The following CCDC159 variants were observed in gnomAD, a reference collection of about 807,000 sequenced individuals.
CCDC159 encodes the protein coiled-coil domain containing 159.
In CCDC159, 40 loss-of-function variants were observed where a neutral mutation model predicts 50.9. The observed-to-expected ratio is 0.79, with a 90% confidence interval of 0.61 to 1.02. The LOEUF is 1.02. Ranked by LOEUF, CCDC159 falls within the 50% of genes least tolerant of loss-of-function variation. The pLI is 0.00. For missense variants in CCDC159, 356 were observed against 371.5 expected, an observed-to-expected ratio of 0.96 and a Z score of 0.34; for synonymous variants, 146 against 138.9, an observed-to-expected ratio of 1.05 and a Z score of -0.36.
At chr19:11,354,125 C>T (rs990481302) in intron 9 of CCDC159, among the ~76,000 whole-genome samples, 1 of 152,154 alleles carries the variant, frequency 6.6e-6, no homozygotes, top group African/African-American at 2.4e-5. Flanking sequence ...TGCCTGTAAT[C>T]CTAATATTTT....
intron 2 of CCDC159, 115 bp downstream of exon 2, chr19:11,349,802 C>A: frequency 8.4e-7 from 1 of 1,196,304 alleles, no homozygotes; most frequent in Non-Finnish European, 1.2e-6. Flanking sequence ...CACTCCTGCC[C>A]AAGGCTGAGT....
intron 7 of CCDC159, chr19:11,352,432 C>A (rs551793392): frequency 2.7e-6 from 1 of 366,516 alleles, no homozygotes; most frequent in South Asian, 2.6e-5. Context: ...ATGATGAAAC[C>A]CCGTCTATAC....
Position 11,352,044 on chromosome 19 carries a change from C to T in CCDC159, c.491-13C>T, listed in dbSNP as rs765670268. ...CTTCAGCCTTTGTCCGCCTGAGCCC[C>T]CTCCCTCCACAGAAGCGCAGGAGGA... On this transcript the variant is annotated splice_polypyrimidine_tract_variant and intron_variant, in intron 6 of 10. Transcript: ENST00000458408. The T allele has an allele frequency of 6.2e-7, 1 of 1,613,462 alleles. No individual in the cohort carries two copies. Among genetic ancestry groups the T allele is most frequent in the Non-Finnish European group, 8.5e-7 (1 of 1,179,584 alleles).
chr19:11,350,821 C>A lies in CCDC159; in HGVS notation c.240C>A (p.Pro80=). The A allele has an allele frequency of 6.5e-7, 1 of 1,548,672 alleles. No individual in the cohort carries two copies. Among genetic ancestry groups the A allele is most frequent in the Non-Finnish European group, 8.7e-7 (1 of 1,146,690 alleles). ...KIQQLEEVLS[P]TGRQGEKEEH... is the part of the protein sequence containing the mutation. ...CACTCTCTGCAGAGGTGCTGAGCCCCACAGGCCGCCAGGGAGAGAAGGAGG... is the reference window on the plus strand; with the variant it reads ...CACTCTCTGCAGAGGTGCTGAGCCCAACAGGCCGCCAGGGAGAGAAGGAGG... The change falls in exon 5 of 11, where the codon CCC becomes CCA. Residue 80 remains proline, a synonymous_variant. Coordinates refer to ENST00000458408, the MANE Select transcript of CCDC159 (RefSeq NM_001080503.3).
At chr19:11,347,373 C>G (rs577800883) in intron 1 of CCDC159, among the ~76,000 whole-genome samples, 6 of 152,108 alleles carry the variant, frequency 3.9e-5, no homozygotes, top group Non-Finnish European at 8.8e-5. Context: ...TCTCGTTGCC[C>G]GGGCTGGAGC....
At chr19:11,349,407 G>A (rs956351692) in intron 1 of CCDC159, 1 of 571,330 alleles carries the variant, frequency 1.8e-6, no homozygotes, top group African/African-American at 1.9e-5. Flanking sequence ...AAAGAGTGTG[G>A]TTGTGTGTCT....
rs746071567 is a variant in CCDC159 at position 11,348,765 on chromosome 19, CG to C, written c.22-887del. On this transcript the variant is annotated intron_variant, in intron 1 of 10. Transcript: ENST00000458408. Reference sequence around the variant, plus strand: ...CTACTCACAGCGACCCTCTTTTGGCCGGCCTACCCCGGGACCCTGACTACTC... The same window carrying C: ...CTACTCACAGCGACCCTCTTTTGGCCGCCTACCCCGGGACCCTGACTACTC... 1.7e-5 allele frequency: 9 copies of C among 517,124 alleles called. No homozygotes were observed. The East Asian group carries it at 2.7e-4, about 16-fold the overall frequency. The allele number at this position is 517,124 out of a possible 1,614,324, so 32.0% of individuals were successfully genotyped here.
At chr19:11,352,890 C>T (rs1967659734) in intron 7 of CCDC159, among the ~76,000 whole-genome samples, 1 of 151,892 alleles carries the variant, frequency 6.6e-6, no homozygotes, top group South Asian at 2.1e-4. Flanking sequence ...CTGATAGTAC[C>T]ATTGCACTCT....
In CCDC159 at chr19:11,350,871, GC is replaced by G; in HGVS notation, c.292del (p.Arg98GlyfsTer8). On this transcript the variant is annotated frameshift_variant, in exon 5 of 11. Coordinates refer to ENST00000458408, the MANE Select transcript of CCDC159 (RefSeq NM_001080503.3). LOFTEE classifies it high-confidence loss of function. ...GAGCACAAGTGGGGCATGGAGCAGG[GC>G]CGGCAGGAGCTGTATGGGGCCCTGA... ...KEEHKWGMEQGRQELYGALTQ... is the reference protein window; with the variant it reads ...KEEHKWGMEQXRQELYGALTQ... 1 of 1,551,766 alleles carries G rather than the reference GC, an allele frequency of 6.4e-7. No homozygotes were observed. The highest frequency in any genetic ancestry group is 8.7e-7 in the Non-Finnish European group (1 of 1,147,708).
At chr19:11,351,414 GC>G (rs967025107) in intron 5 of CCDC159, 1 of 183,046 alleles carries the variant, frequency 5.5e-6, no homozygotes, top group African/African-American at 2.4e-5. Flanking sequence ...TCCAGCCTGG[GC>G]GCCTGGGCGC....
chr19:11,350,260 T>C, intron 4 of CCDC159, 61 bp downstream of exon 4: 1 of 1,457,196 alleles, frequency 6.9e-7, no homozygotes, highest in East Asian at 2.4e-5. Context: ...ACGCCTGTAA[T>C]CCCAGCATTT....
At chr19:11,348,900 C>A in intron 1 of CCDC159, 1 of 1,143,470 alleles carries the variant, frequency 8.7e-7, no homozygotes, top group Non-Finnish European at 1.2e-6. Context: ...GGGCTGGGGA[C>A]ACTGGGAGGG....
intron 4 of CCDC159, among the ~76,000 whole-genome samples, chr19:11,350,560 G>A (rs1470802547): frequency 6.6e-6 from 1 of 152,188 alleles, no homozygotes; most frequent in Non-Finnish European, 1.5e-5. Context: ...GGCTGAGAAA[G>A]GAGAATTGCT....
intron 5 of CCDC159, 34 bp from the exon 6 acceptor site, chr19:11,351,872 G>A (rs1054489006): frequency 1.3e-6 from 2 of 1,559,228 alleles, no homozygotes; most frequent in Admixed American, 1.9e-5. Flanking sequence ...GGGCCAGGCA[G>A]GGAGTGCAGG....
rs767753487 is a variant in CCDC159, at chr19:11,354,676, G to A, written c.869G>A (p.Ser290Asn). Residue 290 changes from serine to asparagine, a missense_variant, in exon 10 of 11, where the codon AGC (serine) becomes AAC (asparagine). Ser to Asn is a conservative substitution (Grantham distance 46). Transcript: ENST00000458408. ...CTCTCCCAGCCACCTTTCAGCAAGAGCGGCCGCTCCTTCCCACCCGGTGCA... is the reference window on the plus strand; with the variant it reads ...CTCTCCCAGCCACCTTTCAGCAAGAACGGCCGCTCCTTCCCACCCGGTGCA... ...QDLSQPPFSK[S>N]GRSFPPA 7 of 1,606,494 alleles carry A rather than the reference G, an allele frequency of 4.4e-6. No individual in the cohort carries two copies. In the African/African-American group the frequency reaches 5.4e-5, roughly 12 times the overall value.
rs778182058 is a variant in CCDC159, at chr19:11,353,847, G to C, written c.745G>C (p.Ala249Pro). The C allele has an allele frequency of 6.3e-7, 1 of 1,586,652 alleles. No homozygotes were observed. The highest frequency in any genetic ancestry group is 2.3e-5 in the East Asian group (1 of 43,404). The change falls in exon 9 of 11, where the codon GCC (alanine) becomes CCC (proline). Residue 249 changes from alanine to proline, a missense_variant. Physicochemically the swap from Ala to Pro is conservative, Grantham distance 27. Coordinates refer to ENST00000458408, the MANE Select transcript of CCDC159 (RefSeq NM_001080503.3). ...SIDSLTLCSGACPKASSLRGH... is the reference protein window; with the variant it reads ...SIDSLTLCSGPCPKASSLRGH... ...AGACAGCCTCACTTTGTGCTCGGGGGCCTGTCCCAAGGCCTCGAGCCTAAG... is the reference window on the plus strand; with the variant it reads ...AGACAGCCTCACTTTGTGCTCGGGGCCCTGTCCCAAGGCCTCGAGCCTAAG...
chr19:11,349,733 G>A (rs1967466565), intron 2 of CCDC159, 46 bp downstream of exon 2: 1 of 1,454,768 alleles, frequency 6.9e-7, no homozygotes, highest in Admixed American at 1.7e-5. Flanking sequence ...AAGACCTGCT[G>A]GTTTCTACCT....
In CCDC159 at chr19:11,354,813, C is replaced by T. The variant is rs1967801122; in HGVS notation, c.890-60C>T. On this transcript the variant is annotated intron_variant, in intron 10 of 10. Coordinates refer to ENST00000458408, the MANE Select transcript of CCDC159 (RefSeq NM_001080503.3). ...CCTGATCTGGGCATGCGGTCCCTGA[C>T]CTGCAGCCCCGGAGTCCCCTGGACC... The T allele has an allele frequency of 1.9e-6, 3 of 1,612,490 alleles. No homozygotes were observed. The Admixed American group carries it at 5.0e-5, about 27-fold the overall frequency.
intron 1 of CCDC159, chr19:11,349,187 G>A (rs747731245): frequency 1.4e-5 from 19 of 1,339,816 alleles, no homozygotes; most frequent in South Asian, 2.3e-5. Flanking sequence ...GCATCACAAC[G>A]TAGCTAAGGT....
Sources: gnomAD v4.1 joint callset for allele counts (sites outside exome capture counted in the v4.1 genomes callset) on GRCh38, gnomAD v4.1.1 for gene constraint, MANE v1.5 for transcripts, NCBI Gene and HGNC (gene_info 2026-07-23, HGNC 2026-07-21) for gene names.